Variants in ZNF148 observed in about 807,000 individuals in gnomAD.
The protein encoded by ZNF148 is Beta-Enolase Repressor Factor-1.
Under a neutral mutation model 67.7 loss-of-function variants are expected in ZNF148, and 7 were observed. The observed-to-expected ratio is 0.10, with a 90% CI of 0.06 to 0.19. ZNF148 has a LOEUF of 0.19. ZNF148 is among the 10% of genes least tolerant of loss of function. ZNF148 has a pLI of 1.00. For synonymous variants in ZNF148, 333 were observed against 330.7 expected (o/e 1.01, Z -0.08); for missense variants, 583 against 947.1 (o/e 0.62, Z 5.05).
At chr3:125,310,182 T>C (rs1940123597) in intron 4 of ZNF148, among the ~76,000 whole-genome samples, 1 of 150,982 alleles carries the variant, frequency 6.6e-6, no homozygotes, top group Admixed American at 6.6e-5. Context: ...GGAGTTCAAG[T>C]GATTCTTATG....
intron 7 of ZNF148, among the ~76,000 whole-genome samples, chr3:125,246,361 A>C (rs576318644): frequency 1.9e-4 from 29 of 152,332 alleles, no homozygotes; most frequent in African/African-American, 7.0e-4. Flanking sequence ...AAAAAAGATC[A>C]TGTACCATTA....
At chr3:125,265,847 T>A (rs1371913804) in intron 7 of ZNF148, among the ~76,000 whole-genome samples, 2 of 152,214 alleles carry the variant, frequency 1.3e-5, no homozygotes, top group Non-Finnish European at 2.9e-5. Context: ...TCATTTTGTT[T>A]TTTTAATTAA....
At chr3:125,358,192 A>G (rs1942426330) in intron 1 of ZNF148, among the ~76,000 whole-genome samples, 1 of 152,176 alleles carries the variant, frequency 6.6e-6, no homozygotes, top group Non-Finnish European at 1.5e-5. Context: ...GGGCACCTGT[A>G]ATCCCAGTTA....
rs556881385 is a variant in ZNF148 at position 125,289,307 on chromosome 3, T to C, written c.334-1079A>G. The stretch of plus-strand genomic sequence containing the variant: ...TGTAGAAGAGGTTCACGAGAAAAAA[T>C]GCAACCTAAGCCAGGAATTTCATAC... On this transcript the variant is annotated intron_variant, in intron 4 of 8. Coordinates refer to ENST00000360647, the MANE Select transcript of ZNF148 (RefSeq NM_021964.3). Among the ~76,000 whole-genome samples the C allele has an allele frequency of 2.0e-5, 3 of 152,204 alleles. No individual in the cohort carries two copies. The East Asian group carries it at 5.8e-4, about 29-fold the overall frequency.
intron 7 of ZNF148, among the ~76,000 whole-genome samples, chr3:125,251,079 A>C (rs564934766): frequency 2.0e-5 from 3 of 152,340 alleles, no homozygotes; most frequent in Admixed American, 2.0e-4. Flanking sequence ...AGAGTGTAAC[A>C]GTCATAGAGA....
At chr3:125,272,990 C>G (rs1025234669) in intron 7 of ZNF148, among the ~76,000 whole-genome samples, 8 of 152,164 alleles carry the variant, frequency 5.3e-5, no homozygotes, top group Non-Finnish European at 4.4e-5. Flanking sequence ...TTCATCCTCA[C>G]AAATTAAGAG....
chr3:125,311,689 A>C (rs114543907), intron 4 of ZNF148, among the ~76,000 whole-genome samples: 7 of 152,180 alleles, frequency 4.6e-5, no homozygotes, highest in Admixed American at 3.9e-4. Context: ...TAATTTTTTT[A>C]AATTACTGTC....
chr3:125,324,260 G>C (rs964950517), intron 2 of ZNF148, among the ~76,000 whole-genome samples: 1 of 151,638 alleles, frequency 6.6e-6, no homozygotes, highest in Non-Finnish European at 1.5e-5. Context: ...GAAGAGAGAA[G>C]AAACACAATG....
intron 5 of ZNF148, among the ~76,000 whole-genome samples, chr3:125,279,902 G>C (rs549377555): frequency 6.6e-6 from 1 of 152,102 alleles, no homozygotes; most frequent in South Asian, 2.1e-4. Context: ...GTGATGGCTG[G>C]GGAACTGGGC....
chr3:125,287,863 C>T (rs1033882053), intron 5 of ZNF148, among the ~76,000 whole-genome samples: 1 of 152,072 alleles, frequency 6.6e-6, no homozygotes, highest in Non-Finnish European at 1.5e-5. Flanking sequence ...GCAATGCATG[C>T]CATCCGATAG....
chr3:125,367,456 C>A (rs897560348), intron 1 of ZNF148, among the ~76,000 whole-genome samples: 1 of 152,150 alleles, frequency 6.6e-6, no homozygotes, highest in Non-Finnish European at 1.5e-5. Flanking sequence ...ACAGATTTTT[C>A]TTTTCTTCAT....
chr3:125,334,654 A>C (rs2107718966), intron 1 of ZNF148, among the ~76,000 whole-genome samples: 1 of 152,176 alleles, frequency 6.6e-6, no homozygotes, highest in East Asian at 1.9e-4. Flanking sequence ...GTTATTATTC[A>C]CATTTTACAG....
At chr3:125,276,983 A>G (rs1261374617) in intron 7 of ZNF148, among the ~76,000 whole-genome samples, 1 of 152,194 alleles carries the variant, frequency 6.6e-6, no homozygotes, top group Non-Finnish European at 1.5e-5. Context: ...ACAATTCTCA[A>G]TTCTATTCAA....
Position 125,228,868 on chromosome 3 carries a change from T to C in ZNF148, c.*3473A>G, listed in dbSNP as rs182656891. The C allele has an allele frequency of 2.6e-5, 4 of 152,720 alleles. No individual in the cohort carries two copies. In the East Asian group the frequency reaches 7.7e-4, roughly 29 times the overall value. 9.5% of individuals were successfully genotyped at this position (152,720 alleles called of 1,614,324 possible). A position where few individuals can be genotyped will look rare whatever the true frequency, so the allele number is the denominator to read the frequency against. ...TTGCATAAAAAAATAAAATAATGTT[T>C]ACAGGGTTTTACTTTTTTATCCATT... is the stretch of plus-strand genomic sequence containing the variant. On this transcript the variant is annotated 3_prime_UTR_variant, in exon 9 of 9. Transcript: ENST00000360647.
chr3:125,299,820 T>A (rs990085317), intron 4 of ZNF148, among the ~76,000 whole-genome samples: 2 of 152,210 alleles, frequency 1.3e-5, no homozygotes, highest in Non-Finnish European at 2.9e-5. Flanking sequence ...TACACTTTTT[T>A]AAAGAGCCAT....
intron 1 of ZNF148, among the ~76,000 whole-genome samples, chr3:125,373,977 C>G (rs897467794): frequency 6.6e-6 from 1 of 152,174 alleles, no homozygotes; most frequent in African/African-American, 2.4e-5. Context: ...AGAAAACCAC[C>G]AAGTCAATTA....
chr3:125,230,085 C>T lies in ZNF148; in HGVS notation c.*2256G>A, dbSNP rs1356667734. On this transcript the variant is annotated 3_prime_UTR_variant, in exon 9 of 9. Coordinates refer to ENST00000360647, the MANE Select transcript of ZNF148 (RefSeq NM_021964.3). ...CTACCATTTTCAAAGGCCTTCCTTC[C>T]CAAGCTCACCCTAAATGCTCAGCAA... 6.6e-6 allele frequency: 1 copy of T among 152,386 alleles called. No individual in the cohort carries two copies. The highest frequency in any genetic ancestry group is 1.5e-5 in the Non-Finnish European group (1 of 67,984). The allele number at this position is 152,386 out of a possible 1,614,324, so 9.4% of individuals were successfully genotyped here.
intron 5 of ZNF148, among the ~76,000 whole-genome samples, chr3:125,279,687 G>C (rs1164057544): frequency 6.6e-6 from 1 of 151,088 alleles, no homozygotes; most frequent in Admixed American, 6.6e-5. Context: ...ATGTGGTTGT[G>C]AAATAAAATG....
intron 3 of ZNF148, among the ~76,000 whole-genome samples, chr3:125,317,662 T>TATATATATATAGAGAGAGAGAG (rs752542874): frequency 2.7e-4 from 24 of 90,044 alleles, no homozygotes; most frequent in African/African-American, 3.6e-4. Flanking sequence ...TATATATATA[T>TATATATATATAGAGAGAGAGAG]AGAGAGAGAG....
Sources: gnomAD v4.1 joint callset for allele counts (sites outside exome capture counted in the v4.1 genomes callset) on GRCh38, gnomAD v4.1.1 for gene constraint, MANE v1.5 for transcripts, NCBI Gene and HGNC (gene_info 2026-07-23, HGNC 2026-07-21) for gene names.